The following SEMA3C variants were observed in gnomAD, a reference collection of about 807,000 sequenced individuals.
The protein encoded by SEMA3C is semaphorin 3C, also known as semaphorin-3C.
A neutral mutation model predicts 89.4 loss-of-function variants in SEMA3C; 47 were observed. That is an observed-to-expected ratio of 0.53 (90% CI 0.42 to 0.67). The LOEUF (loss-of-function observed/expected upper bound fraction) is 0.67. Among genes scored for constraint, SEMA3C ranks in the 30% least tolerant of loss-of-function variants. SEMA3C has a pLI of 0.00. For synonymous variants in SEMA3C, 310 were observed against 320.2 expected (o/e 0.97, Z 0.34); for missense variants, 839 against 929.1 (o/e 0.90, Z 1.26).
At chr7:80,882,024 T>C (rs1791354989) in intron 2 of SEMA3C, among the ~76,000 whole-genome samples, 1 of 152,246 alleles carries the variant, frequency 6.6e-6, no homozygotes, top group Non-Finnish European at 1.5e-5. Flanking sequence ...GAAGGAAAGA[T>C]GTTGCATATA....
intron 12 of SEMA3C, among the ~76,000 whole-genome samples, chr7:80,765,809 T>C (rs530902316): frequency 2.0e-4 from 30 of 152,126 alleles, no homozygotes; most frequent in East Asian, 9.7e-4. Context: ...AATCTCCTGA[T>C]CTCATGATGC....
chr7:80,769,305 G>A (rs1156376699), intron 12 of SEMA3C, among the ~76,000 whole-genome samples: 1 of 152,138 alleles, frequency 6.6e-6, no homozygotes, highest in African/African-American at 2.4e-5. Context: ...TAGAGGCTGT[G>A]TATAACACAG....
At chr7:80,867,977 T>A (rs1790968144) in intron 2 of SEMA3C, among the ~76,000 whole-genome samples, 1 of 152,210 alleles carries the variant, frequency 6.6e-6, no homozygotes, top group African/African-American at 2.4e-5. Flanking sequence ...TAGTATCTTG[T>A]GCTGCTAGAT....
At chr7:80,896,343 G>C (rs908011241) in intron 2 of SEMA3C, among the ~76,000 whole-genome samples, 1 of 152,070 alleles carries the variant, frequency 6.6e-6, no homozygotes, top group African/African-American at 2.4e-5. Flanking sequence ...AACTTGTGTT[G>C]TCTGCCCTCT....
chr7:80,885,590 G>T (rs1040016625), intron 2 of SEMA3C, among the ~76,000 whole-genome samples: 1 of 152,146 alleles, frequency 6.6e-6, no homozygotes, highest in African/African-American at 2.4e-5. Context: ...GCACTTCAGC[G>T]TGAGCAACAC....
Position 80,787,390 on chromosome 7 carries a change from TAAAAAAAAAAAA to T in SEMA3C, c.1354+1904_1354+1915del, listed in dbSNP as rs1179102219. Among the ~76,000 whole-genome samples the T allele has an allele frequency of 5.0e-5, 5 of 99,896 alleles. 1 individual carries two copies. The highest frequency in any genetic ancestry group is 2.5e-4 in the Admixed American group (2 of 8,034). 65.5% of individuals were successfully genotyped at this position (99,896 alleles called of 152,430 possible). A position where few individuals can be genotyped will look rare whatever the true frequency, so the allele number is the denominator to read the frequency against. Reference sequence around the variant, plus strand: ...CTGGGTGATAGAGCAAGACTCCGTTTAAAAAAAAAAAAAAAAAAAAAAAAAGGTGGGGGACAA... The same window carrying T: ...CTGGGTGATAGAGCAAGACTCCGTTTAAAAAAAAAAAAAGGTGGGGGACAA... On this transcript the variant is annotated intron_variant, in intron 12 of 17. Coordinates refer to ENST00000265361, the MANE Select transcript of SEMA3C (RefSeq NM_006379.5).
intron 12 of SEMA3C, among the ~76,000 whole-genome samples, chr7:80,766,774 T>A (rs1012876686): frequency 1.3e-5 from 2 of 152,172 alleles, no homozygotes; most frequent in African/African-American, 4.8e-5. Context: ...TCTCAGGAGC[T>A]GAGTGAGTGA....
chr7:80,774,315 T>C (rs1302171074), intron 12 of SEMA3C, among the ~76,000 whole-genome samples: 4 of 152,070 alleles, frequency 2.6e-5, no homozygotes, highest in Non-Finnish European at 5.9e-5. Flanking sequence ...TCATTATGTA[T>C]AAAAAAGAGA....
At chr7:80,888,751 A>C (rs1354747850) in intron 2 of SEMA3C, among the ~76,000 whole-genome samples, 1 of 152,198 alleles carries the variant, frequency 6.6e-6, no homozygotes, top group Non-Finnish European at 1.5e-5. Context: ...CATTTAAAAT[A>C]TTATAACCAC....
chr7:80,805,872 T>C, intron 6 of SEMA3C, 114 bp from the exon 7 acceptor site: 2 of 582,178 alleles, frequency 3.4e-6, no homozygotes, highest in Non-Finnish European at 2.8e-6. Flanking sequence ...GATAATTGGT[T>C]ATAACAAATA....
At chr7:80,820,151 G>T (rs1478674337) in intron 4 of SEMA3C, among the ~76,000 whole-genome samples, 2 of 150,098 alleles carry the variant, frequency 1.3e-5, no homozygotes, top group Admixed American at 1.3e-4. Context: ...TCTGCCTCCT[G>T]GGTTCAAGTG....
In SEMA3C at chr7:80,775,843, A is replaced by G. The variant is rs527944148; in HGVS notation, c.1355-10600T>C. On this transcript the variant is annotated intron_variant, in intron 12 of 17. Transcript: ENST00000265361. ...TACTTCTGAGGCACATTTGGTTTCA[A>G]ATAAGGGAATATAAACTGTAATTGC... 1.3e-4 allele frequency among the ~76,000 whole-genome samples: 20 copies of G among 152,278 alleles called. No individual in the cohort carries two copies. In the South Asian group the frequency reaches 2.1e-3, roughly 16 times the overall value.
chr7:80,910,889 A>G (rs1792131157), intron 2 of SEMA3C, among the ~76,000 whole-genome samples: 1 of 152,074 alleles, frequency 6.6e-6, no homozygotes, highest in Non-Finnish European at 1.5e-5. Context: ...TGCAAGGTAT[A>G]GTGAATTTAT....
chr7:80,845,046 C>T (rs774523717), intron 2 of SEMA3C, among the ~76,000 whole-genome samples: 1 of 152,022 alleles, frequency 6.6e-6, no homozygotes, highest in Non-Finnish European at 1.5e-5. Flanking sequence ...AGTGAGAAAC[C>T]GCTCTTGTTG....
chr7:80,749,015 T>C lies in SEMA3C; in HGVS notation c.1725A>G (p.Ala575=), dbSNP rs769214961. 6.2e-7 allele frequency: 1 copy of C among 1,604,774 alleles called. No homozygotes were observed. Among genetic ancestry groups the C allele is most frequent in the Non-Finnish European group, 8.5e-7 (1 of 1,177,150 alleles). Residue 575 remains alanine (A), a synonymous_variant, in exon 17 of 18, where the codon GCA becomes GCG. Transcript: ENST00000265361. ...TTACTCCATACTGGACAATTTCAGC[T>C]GCATTTCTGTATGCTAGCAGGCAAA... is the stretch of plus-strand genomic sequence containing the variant. ...RGFNLKAYRN[A]AEIVQYGVKN... is the part of the protein sequence containing the mutation.
rs374974076 is a variant in SEMA3C at position 80,832,441 on chromosome 7, T to G, written c.104-3696A>C. Among the ~76,000 whole-genome samples the G allele has an allele frequency of 1.3e-3, 201 of 152,338 alleles. 6 individuals are homozygous for G. The South Asian group carries it at 0.04, about 30-fold the overall frequency. ...GTAGATTATCTATCTAATTAGATAC[T>G]ATTCTTTTCTTCCACCTTGACAGGG... On this transcript the variant is annotated intron_variant, in intron 2 of 17. Coordinates refer to ENST00000265361, the MANE Select transcript of SEMA3C (RefSeq NM_006379.5).
chr7:80,823,831 T>C (rs1789810288), intron 4 of SEMA3C, among the ~76,000 whole-genome samples: 1 of 152,182 alleles, frequency 6.6e-6, no homozygotes, highest in African/African-American at 2.4e-5. Context: ...CAGCATGTGC[T>C]ATTGTTTAAG....
At chr7:80,864,877 C>G (rs1035664840) in intron 2 of SEMA3C, among the ~76,000 whole-genome samples, 5 of 152,146 alleles carry the variant, frequency 3.3e-5, no homozygotes, top group African/African-American at 1.2e-4. Flanking sequence ...GCCTTGTCTG[C>G]CTTCTCCTGC....
At chr7:80,803,334 T>G (rs2115676178) in intron 8 of SEMA3C, among the ~76,000 whole-genome samples, 1 of 152,310 alleles carries the variant, frequency 6.6e-6, no homozygotes, top group African/African-American at 2.4e-5. Context: ...TAGTCTCCAG[T>G]GAAGACATTT....
Sources: allele counts gnomAD v4.1 joint callset (sites outside exome capture counted in the v4.1 genomes callset), GRCh38; gene constraint gnomAD v4.1.1; transcripts MANE v1.5; gene names NCBI Gene and HGNC (gene_info 2026-07-23, HGNC 2026-07-21).